Variants in BRI3BP observed in about 807,000 individuals in gnomAD.
BRI3BP encodes the protein BRI3-binding protein.
Under a neutral mutation model 15.8 loss-of-function variants are expected in BRI3BP, and 7 were observed. The ratio of observed to expected loss-of-function variants is 0.44; its 90% CI spans 0.25 to 0.83. BRI3BP has a LOEUF of 0.83. Ranked by LOEUF, BRI3BP falls within the 40% of genes least tolerant of loss-of-function variation. BRI3BP has a pLI of 0.20. For synonymous variants in BRI3BP, 192 were observed against 163.5 expected, an observed-to-expected ratio of 1.17 and a Z score of -1.33; for missense variants, 320 against 339.3, an observed-to-expected ratio of 0.94 and a Z score of 0.45.
rs879397865 is a variant in BRI3BP at position 125,028,222 on chromosome 12, T to C, written c.*2792T>C. ...CATGGCATTCTGTGCGCAAAGCTAA[T>C]GATCGCCAGCCCTGCCTTGGCCCCT... On this transcript the variant is annotated 3_prime_UTR_variant, in exon 3 of 3. Transcript: ENST00000341446. 5 of 152,290 alleles carry C rather than the reference T, an allele frequency of 3.3e-5. No individual in the cohort carries two copies. Among genetic ancestry groups the C allele is most frequent in the Non-Finnish European group, 5.9e-5 (4 of 68,064 alleles). The allele number at this position is 152,290 out of a possible 1,614,324, so 9.4% of individuals were successfully genotyped here.
rs978691133 is a variant in BRI3BP, at chr12:125,025,722, CATAG to C, written c.*294_*297del. ...GTACAGTAAGAGAAATTTATCTGTG[CATAG>C]AGCATAAAGTTAATTTTTTCAAGCA... On this transcript the variant is annotated 3_prime_UTR_variant, in exon 3 of 3. Transcript: ENST00000341446. 4.6e-5 allele frequency: 13 copies of C among 282,270 alleles called. No homozygotes were observed. Among genetic ancestry groups the C allele is most frequent in the Non-Finnish European group, 7.9e-5 (12 of 151,618 alleles). 17.5% of individuals were successfully genotyped at this position (282,270 alleles called of 1,614,324 possible). A position where few individuals can be genotyped will look rare whatever the true frequency, so the allele number is the denominator to read the frequency against.
the BRI3BP span, among the ~76,000 whole-genome samples, chr12:125,048,258 T>A: frequency 1.3e-5 from 2 of 152,144 alleles, no homozygotes; most frequent in Admixed American, 6.6e-5. Context: ...AATGCCTGCC[T>A]GGCTCATGGG....
At chr12:125,019,953 C>CTTTT (rs71092263) in intron 2 of BRI3BP, among the ~76,000 whole-genome samples, 38 of 75,058 alleles carry the variant, frequency 5.1e-4, no homozygotes, top group Non-Finnish European at 7.1e-4. Context: ...CAACAACAGA[C>CTTTT]TTTTTTTTTT....
rs975484572 is a variant in BRI3BP at position 125,028,468 on chromosome 12, A to G, written c.*3038A>G. 1.3e-5 allele frequency: 2 copies of G among 152,244 alleles called. No homozygotes were observed. The highest frequency in any genetic ancestry group is 2.9e-5 in the Non-Finnish European group (2 of 68,042). 9.4% of individuals were successfully genotyped at this position (152,244 alleles called of 1,614,324 possible). ...TGGTGGATTGAGACCTCAAGCATCA[A>G]TTCAAAATTGCTGTCGAAAATATGC... On this transcript the variant is annotated 3_prime_UTR_variant, in exon 3 of 3. Transcript: ENST00000341446.
At chr12:125,033,407 A>T (rs1955420339), downstream of BRI3BP, among the ~76,000 whole-genome samples, 2 of 152,128 alleles carry the variant, frequency 1.3e-5, no homozygotes, top group Admixed American at 6.5e-5. Flanking sequence ...AATAGATAAA[A>T]ATGAATACAT....
intron 2 of BRI3BP, among the ~76,000 whole-genome samples, chr12:125,016,120 A>G (rs1406045238): frequency 6.6e-6 from 1 of 152,196 alleles, no homozygotes; most frequent in South Asian, 2.1e-4. Context: ...GAATGCCTGC[A>G]TTCATCAGGG....
the BRI3BP span, among the ~76,000 whole-genome samples, chr12:125,039,426 C>T: frequency 6.6e-6 from 1 of 152,062 alleles, no homozygotes; most frequent in African/African-American, 2.4e-5. Flanking sequence ...TCTGAGTTGC[C>T]CTATGCAAAG....
At chr12:125,035,056 T>C (rs527860822), downstream of BRI3BP, among the ~76,000 whole-genome samples, 2 of 152,338 alleles carry the variant, frequency 1.3e-5, no homozygotes, top group South Asian at 4.1e-4. Context: ...TTCCATAGTA[T>C]GGATGTACCA....
At chr12:124,994,035 T>C in intron 1 of BRI3BP, 32 bp downstream of exon 1, 3 of 1,256,090 alleles carry the variant, frequency 2.4e-6, no homozygotes, top group Non-Finnish European at 3.0e-6. Flanking sequence ...GCGGTCACCT[T>C]GCCCCGGTCG....
chr12:125,022,801 G>A (rs745637269), intron 2 of BRI3BP, among the ~76,000 whole-genome samples: 1 of 152,068 alleles, frequency 6.6e-6, no homozygotes, highest in African/African-American at 2.4e-5. Flanking sequence ...GCTGGCATGA[G>A]CCACCGTGCC....
chr12:125,003,956 A>AACACAC (rs202194939), intron 1 of BRI3BP, among the ~76,000 whole-genome samples: 826 of 38,064 alleles, frequency 0.022, 2 homozygotes, highest in Non-Finnish European at 0.019. Flanking sequence ...CCATCTCAAA[A>AACACAC]ACACACACAC....
intron 2 of BRI3BP, among the ~76,000 whole-genome samples, chr12:125,014,281 C>G (rs889861877): frequency 6.6e-6 from 1 of 152,192 alleles, no homozygotes; most frequent in Admixed American, 6.5e-5. Flanking sequence ...CTCTTTCCAG[C>G]CCCACCGCCC....
rs899358575 is a variant in BRI3BP, at chr12:125,025,655, GA to G, written c.*231del. On this transcript the variant is annotated 3_prime_UTR_variant, in exon 3 of 3. Transcript: ENST00000341446. ...TACACACGAAGTGTAATTAGTGGGG[GA>G]AAAAATATTTTTTAAACAAAGGATA... 97 of 507,538 alleles carry G rather than the reference GA, an allele frequency of 1.9e-4. 2 individuals are homozygous for G. The highest frequency in any genetic ancestry group is 1.0e-3 in the Middle Eastern group (2 of 1,982). The allele number at this position is 507,538 out of a possible 1,614,324, so 31.4% of individuals were successfully genotyped here.
intron 1 of BRI3BP, among the ~76,000 whole-genome samples, chr12:125,007,655 A>T (rs1955156804): frequency 6.6e-6 from 1 of 150,816 alleles, no homozygotes. Flanking sequence ...GGAGTTTGAG[A>T]CTGCAGTGAG....
intron 1 of BRI3BP, among the ~76,000 whole-genome samples, chr12:125,010,016 C>T (rs1399143022): frequency 6.6e-6 from 1 of 152,022 alleles, no homozygotes; most frequent in East Asian, 1.9e-4. Flanking sequence ...GCAGGAGAAT[C>T]TCTTGAACCC....
At chr12:125,016,316 G>A (rs1048308128) in intron 2 of BRI3BP, among the ~76,000 whole-genome samples, 5 of 150,818 alleles carry the variant, frequency 3.3e-5, no homozygotes, top group African/African-American at 7.3e-5. Context: ...TGGTAAAAAA[G>A]GTTTCTGTGA....
the BRI3BP span, among the ~76,000 whole-genome samples, chr12:125,050,355 A>G: frequency 6.6e-6 from 1 of 152,098 alleles, no homozygotes; most frequent in South Asian, 2.1e-4. Flanking sequence ...GTCTCAAAAA[A>G]AAAAAAAGAA....
At chr12:124,996,652 A>G (rs1955043218) in intron 1 of BRI3BP, among the ~76,000 whole-genome samples, 1 of 151,728 alleles carries the variant, frequency 6.6e-6, no homozygotes, top group Non-Finnish European at 1.5e-5. Flanking sequence ...AATAAAGGAA[A>G]ACTGGGTCTG....
At chr12:125,016,834 T>TTTTTTTTTTTTTTTTC (rs1955249604) in intron 2 of BRI3BP, among the ~76,000 whole-genome samples, 1 of 113,510 alleles carries the variant, frequency 8.8e-6, no homozygotes, top group East Asian at 2.7e-4. Flanking sequence ...CCTTTTTTTT[T>TTTTTTTTTTTTTTTTC]TTTTTTTTTT....
Sources: allele counts gnomAD v4.1 joint callset (sites outside exome capture counted in the v4.1 genomes callset), GRCh38; gene constraint gnomAD v4.1.1; transcripts MANE v1.5; gene names NCBI Gene and HGNC (gene_info 2026-07-23, HGNC 2026-07-21).